ALDH3A1: variants seen among roughly 807,000 people sequenced by gnomAD.
The protein encoded by ALDH3A1 is aldehyde dehydrogenase, dimeric NADP-preferring.
ALDH3A1 carries 46 observed loss-of-function variants against 49.9 expected under a neutral mutation model. The ratio of observed to expected loss-of-function variants is 0.92; its 90% CI spans 0.73 to 1.18. The LOEUF (loss-of-function observed/expected upper bound fraction) is 1.18, where lower values mean the gene tolerates loss of function less well. Ranked by LOEUF, ALDH3A1 falls within the 50% of genes most tolerant of loss-of-function variation. ALDH3A1 has a pLI of 0.00. For synonymous variants in ALDH3A1, 269 were observed against 253.3 expected (o/e 1.06, Z -0.59); for missense variants, 592 against 611.8 (o/e 0.97, Z 0.34).
intron 7 of ALDH3A1, chr17:19,740,025 G>A: frequency 2.2e-6 from 1 of 459,160 alleles, no homozygotes; most frequent in African/African-American, 1.9e-5. Context: ...CTGGGCACTG[G>A]GGGCCCCTCA....
rs147790087 is a variant in ALDH3A1, at chr17:19,743,451, C to T, written c.175G>A (p.Ala59Thr). The change falls in exon 3 of 11, where the codon GCC becomes ACC. Residue 59 changes from alanine (A) to threonine (T), a missense_variant. By Grantham distance (58) the Ala-to-Thr change is moderately conservative. Coordinates refer to ENST00000225740, the MANE Select transcript of ALDH3A1 (RefSeq NM_000691.5). The surrounding 1 kb of genome is among the most constrained non-coding windows in gnomAD (Gnocchi z 4.4). ...ACGTACACCACCTCCTCATAGTAGG[C>T]GTTCCATTCATTCTGCAGCGACAGA... ...AADLHKNEWN[A>T]YYEEVVYVLE... 1.3e-5 allele frequency: 21 copies of T among 1,599,664 alleles called. No homozygotes were observed. The Middle Eastern group carries it at 1.0e-3, about 76-fold the overall frequency.
chr17:19,746,694 T>C lies in ALDH3A1; in HGVS notation c.-5-1560A>G, dbSNP rs145315016. Among the ~76,000 whole-genome samples the C allele has an allele frequency of 3.0e-3, 436 of 144,656 alleles. 3 individuals carry two copies. Among genetic ancestry groups the C allele is most frequent in the Non-Finnish European group, 5.4e-3 (361 of 66,808 alleles). The allele number at this position is 144,656 out of a possible 152,430, so 94.9% of individuals were successfully genotyped here. On this transcript the variant is annotated intron_variant, in intron 1 of 10. Coordinates refer to ENST00000225740, the MANE Select transcript of ALDH3A1 (RefSeq NM_000691.5). ...GTGTGTGTGCATGTGCGTGTGTGTG[T>C]GCGTGCGTGTGTGTGCATGTGCGTG...
In ALDH3A1 at chr17:19,743,512, A is replaced by C; in HGVS notation, c.163-49T>G. ...GCTTCCAGGGCCAGGGCCCGCCTGCAGCTGGGGCGAGTGGGGAGCCCCACT... is the reference window on the plus strand; with the variant it reads ...GCTTCCAGGGCCAGGGCCCGCCTGCCGCTGGGGCGAGTGGGGAGCCCCACT... On this transcript the variant is annotated intron_variant, in intron 2 of 10. Coordinates refer to ENST00000225740, the MANE Select transcript of ALDH3A1 (RefSeq NM_000691.5). The surrounding 1 kb of genome is among the most constrained non-coding windows in gnomAD (Gnocchi z 4.4). 1 of 1,542,280 alleles carries C rather than the reference A, an allele frequency of 6.5e-7. No individual in the cohort carries two copies. Among genetic ancestry groups the C allele is most frequent in the South Asian group, 1.3e-5 (1 of 79,412 alleles).
intron 6 of ALDH3A1, 21 bp from the exon 7 acceptor site, chr17:19,740,498 C>CTT: frequency 6.2e-7 from 1 of 1,612,680 alleles, no homozygotes; most frequent in Non-Finnish European, 8.5e-7. Context: ...GAGGTGGGGG[C>CTT]TTCGGGTAAG....
chr17:19,739,814 A>G, intron 7 of ALDH3A1, 140 bp from the exon 8 acceptor site: 1 of 1,092,278 alleles, frequency 9.2e-7, no homozygotes, highest in Non-Finnish European at 1.3e-6. Flanking sequence ...GAGGCCTCAG[A>G]GAGGTACCCT....
Position 19,743,178 on chromosome 17 carries a change from C to G in ALDH3A1, c.394+54G>C. The G allele has an allele frequency of 6.2e-7, 1 of 1,604,012 alleles. No individual in the cohort carries two copies. The highest frequency in any genetic ancestry group is 8.5e-7 in the Non-Finnish European group (1 of 1,176,280). ...CAGGCCTGAGCCCATCCTGGCTTGG[C>G]TCCACGCTGGGGGACGGTGCTCCCC... On this transcript the variant is annotated intron_variant, in intron 3 of 10. Coordinates refer to ENST00000225740, the MANE Select transcript of ALDH3A1 (RefSeq NM_000691.5). The surrounding 1 kb of genome is among the most constrained non-coding windows in gnomAD (Gnocchi z 4.4).
chr17:19,739,360 C>A lies in ALDH3A1; in HGVS notation c.1116+148G>T, dbSNP rs1300710049. 4.9e-6 allele frequency: 5 copies of A among 1,026,044 alleles called. No individual in the cohort carries two copies. In the Admixed American group the frequency reaches 9.5e-5, roughly 20 times the overall value. The allele number at this position is 1,026,044 out of a possible 1,614,324, so 63.6% of individuals were successfully genotyped here. On this transcript the variant is annotated intron_variant, in intron 8 of 10. Coordinates refer to ENST00000225740, the MANE Select transcript of ALDH3A1 (RefSeq NM_000691.5). Reference sequence around the variant, plus strand: ...AGTGCCCTCAGGTGATGCTGCTGTCCTGATCTTACAGACGAGGTGAAAGGA... The same window carrying A: ...AGTGCCCTCAGGTGATGCTGCTGTCATGATCTTACAGACGAGGTGAAAGGA...
chr17:19,740,262 G>A lies in ALDH3A1; in HGVS notation c.949+74C>T. ...TCGTGTCCGCTTATCAAGCATCTGT[G>A]CCCACTTGCTGTGAACTTGCTGGGG... On this transcript the variant is annotated intron_variant, in intron 7 of 10. Coordinates refer to ENST00000225740, the MANE Select transcript of ALDH3A1 (RefSeq NM_000691.5). The A allele has an allele frequency of 4.4e-6, 7 of 1,581,914 alleles. No homozygotes were observed. In the South Asian group the frequency reaches 7.8e-5, roughly 18 times the overall value.
At chr17:19,746,256 G>A (rs1433862237) in intron 1 of ALDH3A1, among the ~76,000 whole-genome samples, 1 of 152,150 alleles carries the variant, frequency 6.6e-6, no homozygotes, top group Admixed American at 6.5e-5. Context: ...GGGAGTGGTG[G>A]CAGGCACCTG....
intron 6 of ALDH3A1, 119 bp from the exon 7 acceptor site, chr17:19,740,596 T>G: frequency 8.6e-7 from 1 of 1,164,394 alleles, no homozygotes; most frequent in Non-Finnish European, 1.2e-6. Context: ...GTGGAGCTTT[T>G]TTCTTCTTTA....
intron 6 of ALDH3A1, 45 bp downstream of exon 6, chr17:19,741,041 CCCTTGTG>C: frequency 7.1e-7 from 1 of 1,407,912 alleles, no homozygotes; most frequent in Admixed American, 1.7e-5. Context: ...GGCCAGGCCC[CCCTTGTG>C]CCTTACAGCC....
In ALDH3A1 at chr17:19,742,042, G is replaced by A; in HGVS notation, c.651C>T (p.Cys217=). The change falls in exon 5 of 11, where the codon TGC becomes TGT. Residue 217 remains cysteine (C), a synonymous_variant. Coordinates refer to ENST00000225740, the MANE Select transcript of ALDH3A1 (RefSeq NM_000691.5). ...CCAGGTCACAGTTCTTGTCCACGTA[G>A]CAGGGACTCTTCCCTCCCAGCTCCA... ...VTLELGGKSP[C]YVDKNCDLDV... The A allele has an allele frequency of 6.2e-7, 1 of 1,613,948 alleles. No homozygotes were observed.
intron 1 of ALDH3A1, among the ~76,000 whole-genome samples, chr17:19,746,636 T>TGTGC (rs1377400366): frequency 2.9e-5 from 4 of 139,460 alleles, no homozygotes; most frequent in Admixed American, 1.4e-4. Flanking sequence ...TGTGTGTGTG[T>TGTGC]GCGTGTGCGT....
chr17:19,741,611 G>A (rs2086493695), intron 5 of ALDH3A1, among the ~76,000 whole-genome samples: 1 of 152,146 alleles, frequency 6.6e-6, no homozygotes, highest in African/African-American at 2.4e-5. Context: ...GAGCAGCGGT[G>A]GCCCTTCTCC....
intron 7 of ALDH3A1, 45 bp downstream of exon 7, chr17:19,740,291 C>T (rs959234400): frequency 3.1e-6 from 5 of 1,602,002 alleles, no homozygotes; most frequent in Non-Finnish European, 4.3e-6. Flanking sequence ...GCTGGGGACC[C>T]CTGCAGCCTG....
Position 19,743,692 on chromosome 17 carries a change from C to A in ALDH3A1, c.163-229G>T. On this transcript the variant is annotated intron_variant, in intron 2 of 10. Coordinates refer to ENST00000225740, the MANE Select transcript of ALDH3A1 (RefSeq NM_000691.5). The surrounding 1 kb of genome is among the most constrained non-coding windows in gnomAD (Gnocchi z 4.4). Reference sequence around the variant, plus strand: ...GAGGGGGGCCCAGGTAGGTTTGCGGCCCCAGGGGAGAGAGCCGGTGAAGGG... The same window carrying A: ...GAGGGGGGCCCAGGTAGGTTTGCGGACCCAGGGGAGAGAGCCGGTGAAGGG... 1 of 985,234 alleles carries A rather than the reference C, an allele frequency of 1.0e-6. No homozygotes were observed. The highest frequency in any genetic ancestry group is 1.2e-6 in the Non-Finnish European group (1 of 829,880). 61.0% of individuals were successfully genotyped at this position (985,234 alleles called of 1,614,324 possible).
At chr17:19,739,934 G>A (rs555970410) in intron 7 of ALDH3A1, among the ~76,000 whole-genome samples, 99 of 152,266 alleles carry the variant, frequency 6.5e-4, no homozygotes, top group African/African-American at 2.2e-3. Flanking sequence ...TGCACCTGCC[G>A]GCCACCTGAT....
chr17:19,740,209 G>T, intron 7 of ALDH3A1, 127 bp downstream of exon 7: 2 of 1,343,672 alleles, frequency 1.5e-6, no homozygotes, highest in Non-Finnish European at 2.0e-6. Flanking sequence ...AGGCTCCCTG[G>T]TGAAAGCAAT....
At chr17:19,740,602 C>T in intron 6 of ALDH3A1, 125 bp from the exon 7 acceptor site, 1 of 1,084,672 alleles carries the variant, frequency 9.2e-7, no homozygotes, top group East Asian at 2.4e-5. Flanking sequence ...CTTTTTTCTT[C>T]TTTATGCTTT....
Sources: gnomAD v4.1 joint callset for allele counts (sites outside exome capture counted in the v4.1 genomes callset) on GRCh38, gnomAD v4.1.1 for gene constraint, Gnocchi (gnomAD v3.1) non-coding constraint, MANE v1.5 for transcripts, NCBI Gene and HGNC (gene_info 2026-07-23, HGNC 2026-07-21) for gene names.